APOLD1: variants seen among roughly 807,000 people sequenced by gnomAD.
The protein encoded by APOLD1 is apolipoprotein L domain-containing protein 1.
A neutral mutation model predicts 15.3 loss-of-function variants in APOLD1; 22 were observed. The observed-to-expected ratio is 1.44, with a 90% CI of 1.03 to 2.05. The LOEUF is 2.05. Among genes scored for constraint, APOLD1 ranks in the 30% most tolerant of loss-of-function variants. APOLD1 has a pLI of 0.00. For synonymous variants in APOLD1, 190 were observed against 167.4 expected, an observed-to-expected ratio of 1.13 and a Z score of -1.04; for missense variants, 394 against 353.5, an observed-to-expected ratio of 1.11 and a Z score of -0.92.
rs1004451943 is a variant in APOLD1 at position 12,726,117 on chromosome 12, A to G, written c.96+21A>G. On this transcript the variant is annotated intron_variant, in intron 1 of 1. Transcript: ENST00000326765. ...GAAAGGTAGAACTGGGGAGTGCGGGAGGGTGGAGGTGGCCCGGAAAAGAAC... is the reference window on the plus strand; with the variant it reads ...GAAAGGTAGAACTGGGGAGTGCGGGGGGGTGGAGGTGGCCCGGAAAAGAAC... The G allele has an allele frequency of 8.5e-6, 7 of 820,074 alleles. No individual in the cohort carries two copies. In the African/African-American group the frequency reaches 1.7e-4, roughly 20 times the overall value. 50.8% of individuals were successfully genotyped at this position (820,074 alleles called of 1,614,324 possible).
chr12:12,758,616 C>T (rs1003623226), intron 1 of APOLD1, among the ~76,000 whole-genome samples: 2 of 152,188 alleles, frequency 1.3e-5, no homozygotes, highest in African/African-American at 2.4e-5. Context: ...TCCTGCCTTT[C>T]CTATTGAATG....
chr12:12,732,334 G>A (rs1265158949), intron 1 of APOLD1, among the ~76,000 whole-genome samples: 1 of 152,148 alleles, frequency 6.6e-6, no homozygotes, highest in Admixed American at 6.5e-5. Flanking sequence ...GCTGGGCGCC[G>A]TGATTGTTAA....
At chr12:12,783,396 T>C (rs1335968658), upstream of APOLD1, among the ~76,000 whole-genome samples, 3 of 151,656 alleles carry the variant, frequency 2.0e-5, no homozygotes, top group East Asian at 5.8e-4. Flanking sequence ...CTGCAACTGC[T>C]GCCTCCCAGG....
At chr12:12,750,372 CAAAA>C (rs34629361) in intron 1 of APOLD1, among the ~76,000 whole-genome samples, 4 of 75,394 alleles carry the variant, frequency 5.3e-5, no homozygotes, top group Non-Finnish European at 1.0e-4. Flanking sequence ...GACTCTGTCT[CAAAA>C]AAAAAAAAAA....
chr12:12,787,059 T>G lies in APOLD1; in HGVS notation c.154T>G (p.Ser52Ala). 1 of 1,375,942 alleles carries G rather than the reference T, an allele frequency of 7.3e-7. No individual in the cohort carries two copies. The highest frequency in any genetic ancestry group is 9.3e-7 in the Non-Finnish European group (1 of 1,075,330). The allele number at this position is 1,375,942 out of a possible 1,614,324, so 85.2% of individuals were successfully genotyped here. The change falls in exon 2 of 2, where the codon TCC (serine) becomes GCC (alanine). Residue 52 changes from serine to alanine, a missense_variant. Physicochemically the swap from Ser to Ala is moderately conservative, Grantham distance 99. Coordinates refer to ENST00000356591, the MANE Select transcript of APOLD1 (RefSeq NM_030817.3). This position sits in a 1 kb window ranked among gnomAD's most constrained non-coding sequence, Gnocchi z 4.9. ...ARRLERLRRR[S>A]LVANVAGSSL... Reference sequence around the variant, plus strand: ...GCGCCTGGAGCGCCTGCGCAGGCGCTCCCTCGTAGCCAACGTGGCCGGCAG... The same window carrying G: ...GCGCCTGGAGCGCCTGCGCAGGCGCGCCCTCGTAGCCAACGTGGCCGGCAG...
At chr12:12,781,816 C>T (rs12314468), upstream of APOLD1, among the ~76,000 whole-genome samples, 10,585 of 151,664 alleles carry the variant, frequency 0.07, 441 homozygotes, top group Admixed American at 0.13. Context: ...CGTGAGCCAC[C>T]GCGCCCGGCA....
At chr12:12,743,444 A>G (rs909660381) in intron 1 of APOLD1, among the ~76,000 whole-genome samples, 9 of 152,298 alleles carry the variant, frequency 5.9e-5, no homozygotes, top group African/African-American at 1.4e-4. Context: ...GGTGAGCCCA[A>G]TCTAACAAAA....
chr12:12,733,628 A>C (rs913255364), intron 1 of APOLD1, among the ~76,000 whole-genome samples: 2 of 152,020 alleles, frequency 1.3e-5, no homozygotes, highest in Non-Finnish European at 2.9e-5. Context: ...TTTGAGACAG[A>C]GTTTCGCTCT....
At chr12:12,744,339 TGGC>T (rs1399519065) in intron 1 of APOLD1, among the ~76,000 whole-genome samples, 1 of 145,902 alleles carries the variant, frequency 6.9e-6, no homozygotes, top group Non-Finnish European at 1.5e-5. Flanking sequence ...CTGGCTGTGG[TGGC>T]TCAGGTCTGT....
At chr12:12,747,188 T>C (rs984613557) in intron 1 of APOLD1, among the ~76,000 whole-genome samples, 5 of 152,194 alleles carry the variant, frequency 3.3e-5, no homozygotes, top group African/African-American at 7.2e-5. Context: ...TATAGCTCAC[T>C]GTAGCTTCGA....
At chr12:12,727,075 C>A (rs912745098) in intron 1 of APOLD1, among the ~76,000 whole-genome samples, 1 of 152,142 alleles carries the variant, frequency 6.6e-6, no homozygotes, top group African/African-American at 2.4e-5. Flanking sequence ...TATTCCAGAC[C>A]CCTGTGAAAC....
chr12:12,773,318 T>C (rs1947002496), intron 1 of APOLD1, among the ~76,000 whole-genome samples: 1 of 152,154 alleles, frequency 6.6e-6, no homozygotes, highest in Non-Finnish European at 1.5e-5. Context: ...CCCAGCACTT[T>C]GGGAGGGTGA....
chr12:12,747,578 A>C (rs2110598), intron 1 of APOLD1, among the ~76,000 whole-genome samples: 1 of 151,994 alleles, frequency 6.6e-6, no homozygotes, highest in African/African-American at 2.4e-5. Context: ...GGTATTGGGA[A>C]GCTCTTCTGA....
At chr12:12,777,162 G>C (rs1324546463) in intron 1 of APOLD1, among the ~76,000 whole-genome samples, 1 of 152,026 alleles carries the variant, frequency 6.6e-6, no homozygotes, top group East Asian at 1.9e-4. Flanking sequence ...ATGTAATGTG[G>C]GTGGGAAGGT....
Position 12,786,921 on chromosome 12 carries a change from C to A in APOLD1, c.16C>A (p.Pro6Thr), listed in dbSNP as rs766130862. The change falls in exon 2 of 2, where the codon CCG (proline) becomes ACG (threonine). Residue 6 changes from proline to threonine, a missense_variant. Transcript: ENST00000356591. ...TATGTCCCCGCAGGGAATGGAGAGG[C>A]CGGCGGCCCGGGAGCCGCATGGGCC... MGMER[P>T]AAREPHGPDA... 30 of 1,447,590 alleles carry A rather than the reference C, an allele frequency of 2.1e-5. No homozygotes were observed. The highest frequency in any genetic ancestry group is 2.6e-5 in the Non-Finnish European group (29 of 1,109,208). The allele number at this position is 1,447,590 out of a possible 1,614,324, so 89.7% of individuals were successfully genotyped here.
intron 1 of APOLD1, among the ~76,000 whole-genome samples, chr12:12,771,918 C>A (rs555754401): frequency 1.3e-5 from 2 of 151,832 alleles, no homozygotes; most frequent in African/African-American, 4.8e-5. Flanking sequence ...GACTCAGATT[C>A]ATTGTAAATG....
chr12:12,785,561 T>A, upstream of APOLD1: 7 of 1,562,766 alleles, frequency 4.5e-6, no homozygotes, highest in Non-Finnish European at 6.1e-6. Flanking sequence ...GCAGGGGTCA[T>A]GACAGGAAAT....
upstream of APOLD1, among the ~76,000 whole-genome samples, chr12:12,781,214 G>A (rs1046289074): frequency 2.6e-5 from 4 of 152,098 alleles, no homozygotes; most frequent in Non-Finnish European, 2.9e-5. Flanking sequence ...AGGCCGAGGC[G>A]TGTGGATCAC....
Position 12,789,491 on chromosome 12 carries a change from C to G in APOLD1, c.*1839C>G, listed in dbSNP as rs189070008. The G allele has an allele frequency of 3.3e-5, 5 of 152,274 alleles. No homozygotes were observed. Among genetic ancestry groups the G allele is most frequent in the Non-Finnish European group, 7.4e-5 (5 of 68,026 alleles). The allele number at this position is 152,274 out of a possible 1,614,324, so 9.4% of individuals were successfully genotyped here. ...GTATCACTTGACCTGGAAAAGGAATCTATTTAGTTCAGGAAAGATAAAAAG... is the reference window on the plus strand; with the variant it reads ...GTATCACTTGACCTGGAAAAGGAATGTATTTAGTTCAGGAAAGATAAAAAG... On this transcript the variant is annotated 3_prime_UTR_variant, in exon 2 of 2. Transcript: ENST00000356591.
Sources: gnomAD v4.1 joint callset for allele counts (sites outside exome capture counted in the v4.1 genomes callset) on GRCh38, gnomAD v4.1.1 for gene constraint, Gnocchi (gnomAD v3.1) non-coding constraint, MANE v1.5 for transcripts, NCBI Gene and HGNC (gene_info 2026-07-23, HGNC 2026-07-21) for gene names.